Variants in AMPH observed in about 807,000 individuals in gnomAD.
AMPH encodes the protein amphiphysin (Stiff-Mann syndrome with breast cancer 128kD autoantigen).
In AMPH, 49 loss-of-function variants were observed where a neutral mutation model predicts 99.1. The ratio of observed to expected loss-of-function variants is 0.49; its 90% CI spans 0.39 to 0.63. The LOEUF (loss-of-function observed/expected upper bound fraction) is 0.63, where lower values mean the gene tolerates loss of function less well. AMPH is among the 20% of genes least tolerant of loss of function. The probability of loss-of-function intolerance (pLI) is 0.00; values close to 1 mark genes in which losing one functional copy is unlikely to be tolerated. For missense variants in AMPH, 759 were observed against 863.4 expected (o/e 0.88, Z 1.52); for synonymous variants, 314 against 317.3 (o/e 0.99, Z 0.11).
chr7:38,468,730 G>A (rs1787762150), intron 7 of AMPH, among the ~76,000 whole-genome samples: 1 of 152,154 alleles, frequency 6.6e-6, no homozygotes, highest in Non-Finnish European at 1.5e-5. Flanking sequence ...TACACGGCAA[G>A]CATGAGTAAA....
intron 2 of AMPH, among the ~76,000 whole-genome samples, chr7:38,512,486 G>A (rs1194566112): frequency 1.3e-5 from 2 of 152,184 alleles, no homozygotes; most frequent in Non-Finnish European, 2.9e-5. Context: ...AAGGGGAAGT[G>A]GAAAATATAT....
At chr7:38,575,490 G>A (rs1048270222) in intron 1 of AMPH, among the ~76,000 whole-genome samples, 12 of 152,012 alleles carry the variant, frequency 7.9e-5, no homozygotes, top group African/African-American at 2.7e-4. Flanking sequence ...TACATCATGG[G>A]GGCAGTTACC....
chr7:38,408,510 C>T (rs918914319), intron 17 of AMPH, among the ~76,000 whole-genome samples: 1 of 152,000 alleles, frequency 6.6e-6, no homozygotes, highest in African/African-American at 2.4e-5. Context: ...GCTTGTAATC[C>T]CAGCACTTTG....
At chr7:38,393,578 T>C (rs1784578666) in intron 18 of AMPH, among the ~76,000 whole-genome samples, 1 of 152,204 alleles carries the variant, frequency 6.6e-6, no homozygotes, top group Admixed American at 6.5e-5. Flanking sequence ...ATGGTGAATT[T>C]GGGGCACTCT....
intron 2 of AMPH, among the ~76,000 whole-genome samples, chr7:38,509,956 T>C (rs1021687528): frequency 1.0e-5 from 1 of 98,596 alleles, no homozygotes; most frequent in African/African-American, 4.4e-5. Context: ...AACTGCTGTG[T>C]CAAGGCACAG....
At chr7:38,597,152 G>A (rs951785465) in intron 1 of AMPH, among the ~76,000 whole-genome samples, 13 of 151,456 alleles carry the variant, frequency 8.6e-5, no homozygotes, top group Admixed American at 2.6e-4. Context: ...AAAAGGGCAG[G>A]GAAAAAAAAC....
At chr7:38,393,089 G>GTT (rs757145195) in intron 18 of AMPH, among the ~76,000 whole-genome samples, 16 of 152,108 alleles carry the variant, frequency 1.1e-4, no homozygotes, top group Non-Finnish European at 2.1e-4. Flanking sequence ...AGATAATACC[G>GTT]TCTTTCCATG....
intron 5 of AMPH, among the ~76,000 whole-genome samples, chr7:38,485,620 T>C (rs1200053408): frequency 1.3e-5 from 2 of 151,908 alleles, no homozygotes; most frequent in African/African-American, 4.8e-5. Context: ...AACTATCAAA[T>C]GGACCTAACA....
rs145479240 is a variant in AMPH at position 38,394,074 on chromosome 7, T to C, written c.1539A>G (p.Gly513=). Residue 513 remains glycine, a synonymous_variant, in exon 18 of 21, where the codon GGA becomes GGG. Coordinates refer to ENST00000356264, the MANE Select transcript of AMPH (RefSeq NM_001635.4). ...TCTCTGCACCCTCAGTGGTTTCAGT[T>C]CCAATTTTGGCCTCCTCTAAACTTA... ...EGVSLEEAKI[G]TETTEGAESA... The C allele has an allele frequency of 1.2e-6, 2 of 1,614,018 alleles. No individual in the cohort carries two copies. Among genetic ancestry groups the C allele is most frequent in the African/African-American group, 2.7e-5 (2 of 74,918 alleles).
At chr7:38,509,944 A>T (rs542213072) in intron 2 of AMPH, among the ~76,000 whole-genome samples, 1 of 139,150 alleles carries the variant, frequency 7.2e-6, no homozygotes, top group African/African-American at 2.8e-5. Flanking sequence ...GACTAGAAAA[A>T]CAACTGCTGT....
intron 20 of AMPH, among the ~76,000 whole-genome samples, chr7:38,387,447 A>G (rs1217666272): frequency 6.6e-6 from 1 of 152,202 alleles, no homozygotes; most frequent in Admixed American, 6.5e-5. Context: ...CCCATATGAA[A>G]TAACAATATG....
intron 7 of AMPH, 37 bp from the exon 8 acceptor site, chr7:38,466,285 G>A (rs750082903): frequency 1.1e-5 from 16 of 1,492,290 alleles, no homozygotes; most frequent in Admixed American, 4.3e-5. Context: ...AGAAGAGAGA[G>A]GGAAAGACCA....
chr7:38,627,992 C>T (rs1021821716), intron 1 of AMPH, among the ~76,000 whole-genome samples: 1 of 152,060 alleles, frequency 6.6e-6, no homozygotes, highest in Non-Finnish European at 1.5e-5. Flanking sequence ...AGCAGATATA[C>T]ATAAAACATC....
chr7:38,474,779 ATT>A (rs1788020524), intron 7 of AMPH, among the ~76,000 whole-genome samples: 1 of 152,198 alleles, frequency 6.6e-6, no homozygotes, highest in Admixed American at 6.5e-5. Flanking sequence ...AATGCACGTA[ATT>A]CCACGAGAAA....
Position 38,391,994 on chromosome 7 carries a change from G to T in AMPH, c.1632C>A (p.Val544=). The change falls in exon 19 of 21, where the codon GTC becomes GTA. Residue 544 remains valine, a synonymous_variant. Transcript: ENST00000356264. ...CTTCATGGTTGGAGGCAGGCTCTAT[G>T]ACCACCGAAGGAATGACCTTCTCCT... ...VPQEKVIPSV[V]IEPASNHEEE... 6.2e-7 allele frequency: 1 copy of T among 1,607,180 alleles called. No homozygotes were observed. The highest frequency in any genetic ancestry group is 1.1e-5 in the South Asian group (1 of 90,970).
At chr7:38,395,004 T>C (rs1441185185) in intron 17 of AMPH, among the ~76,000 whole-genome samples, 3 of 152,226 alleles carry the variant, frequency 2.0e-5, no homozygotes, top group African/African-American at 7.2e-5. Flanking sequence ...ATCCTTAACC[T>C]TGGCTAAATA....
intron 3 of AMPH, 98 bp from the exon 4 acceptor site, chr7:38,494,625 T>C (rs41279591): frequency 0.02 from 20,861 of 1,046,812 alleles, 508 homozygotes; most frequent in South Asian, 0.087. Flanking sequence ...ATATTGTACT[T>C]GCTAAACATT....
At chr7:38,524,586 G>C in intron 2 of AMPH, among the ~76,000 whole-genome samples, 1 of 151,100 alleles carries the variant, frequency 6.6e-6, no homozygotes, top group East Asian at 2.0e-4. Flanking sequence ...ACTAATGGAT[G>C]GATGGATGGA....
chr7:38,617,105 C>T (rs2129068856), intron 1 of AMPH, among the ~76,000 whole-genome samples: 1 of 152,210 alleles, frequency 6.6e-6, no homozygotes, highest in South Asian at 2.1e-4. Context: ...GTATTTCATA[C>T]CTCATTATAA....
Sources: allele counts gnomAD v4.1 joint callset (sites outside exome capture counted in the v4.1 genomes callset), GRCh38; gene constraint gnomAD v4.1.1; transcripts MANE v1.5; gene names NCBI Gene and HGNC (gene_info 2026-07-23, HGNC 2026-07-21).